KCNMA1: variants seen among roughly 807,000 people sequenced by gnomAD.
KCNMA1 encodes the protein potassium calcium-activated channel subfamily M alpha 1, also known as Calcium-activated potassium channel subunit alpha-1.
In KCNMA1, 29 loss-of-function variants were observed where a neutral mutation model predicts 140.0. The ratio of observed to expected loss-of-function variants is 0.21; its 90% CI spans 0.15 to 0.28. The LOEUF (loss-of-function observed/expected upper bound fraction) is 0.28, where lower values mean the gene tolerates loss of function less well. Ranked by LOEUF, KCNMA1 falls within the 10% of genes least tolerant of loss-of-function variation. KCNMA1 has a pLI of 1.00. For synonymous variants in KCNMA1, 612 were observed against 611.9 expected (o/e 1.00, Z 0.00); for missense variants, 880 against 1,602.2 (o/e 0.55, Z 7.70).
intron 14 of KCNMA1, among the ~76,000 whole-genome samples, chr10:77,065,603 A>G (rs2095905794): frequency 6.6e-6 from 1 of 152,202 alleles, no homozygotes; most frequent in Admixed American, 6.5e-5. Flanking sequence ...AATTCTCCCA[A>G]GAGAATCCAG....
rs555278584 is a variant in KCNMA1, at chr10:76,915,661, CCTGA to C, written c.2903-616_2903-613del. 3.9e-3 allele frequency among the ~76,000 whole-genome samples: 594 copies of C among 152,196 alleles called. 2 individuals are homozygous for C. The highest frequency in any genetic ancestry group is 0.013 in the African/African-American group (520 of 41,532). On this transcript the variant is annotated intron_variant, in intron 23 of 27. Coordinates refer to ENST00000286628, the MANE Select transcript of KCNMA1 (RefSeq NM_001161352.2). ...GTTACCACAACATAACCTAACCTGG[CCTGA>C]CTGTTACCGTAAACCAATCAATTGC... is the stretch of plus-strand genomic sequence containing the variant.
At chr10:77,539,999 G>A (rs1205270652) in intron 1 of KCNMA1, among the ~76,000 whole-genome samples, 1 of 152,126 alleles carries the variant, frequency 6.6e-6, no homozygotes, top group Non-Finnish European at 1.5e-5. Context: ...AATATGTTGT[G>A]CAAAAACAAC....
chr10:77,439,762 T>G (rs1278359201), intron 1 of KCNMA1, among the ~76,000 whole-genome samples: 1 of 152,176 alleles, frequency 6.6e-6, no homozygotes, highest in African/African-American at 2.4e-5. Context: ...CTCCTGTGTC[T>G]TTTAGCTGCA....
chr10:77,000,857 AATATATATATATATATATATATATAT>A (rs56359933), intron 19 of KCNMA1, among the ~76,000 whole-genome samples: 10 of 36,660 alleles, frequency 2.7e-4, no homozygotes, highest in Middle Eastern at 0.014. Context: ...GTAAAAAGAA[AATATATATATATATATATATATATAT>A]ATATATATAT....
At chr10:77,451,456 G>A (rs959643920) in intron 1 of KCNMA1, among the ~76,000 whole-genome samples, 1 of 152,144 alleles carries the variant, frequency 6.6e-6, no homozygotes, top group Non-Finnish European at 1.5e-5. Context: ...CAGTCCAGGC[G>A]AGTAGGTGAG....
chr10:76,891,600 C>A lies in KCNMA1; in HGVS notation c.3267G>T (p.Pro1089=). The A allele has an allele frequency of 1.2e-6, 2 of 1,613,954 alleles. No individual in the cohort carries two copies. Among genetic ancestry groups the A allele is most frequent in the Non-Finnish European group, 1.7e-6 (2 of 1,180,000 alleles). The stretch of plus-strand genomic sequence containing the variant: ...AGCGGTCCCTATTGGCCAGTGTCTG[C>A]GGGGTGCTGTAGCCACCTCTAAGGG... ...ENALRGGYST[P]QTLANRDRCR... The change falls in exon 26 of 28, where the codon CCG becomes CCT. Residue 1089 remains proline, a synonymous_variant. Transcript: ENST00000286628.
At chr10:77,369,172 T>C (rs1171724038) in intron 2 of KCNMA1, among the ~76,000 whole-genome samples, 1 of 152,174 alleles carries the variant, frequency 6.6e-6, no homozygotes, top group East Asian at 1.9e-4. Context: ...TTCCAGTCCA[T>C]GAACATGGTA....
intron 2 of KCNMA1, among the ~76,000 whole-genome samples, chr10:77,386,054 T>C (rs1290009633): frequency 1.3e-5 from 2 of 152,198 alleles, no homozygotes; most frequent in East Asian, 1.9e-4. Flanking sequence ...ACCAAAACTT[T>C]CACATCAGAA....
intron 13 of KCNMA1, among the ~76,000 whole-genome samples, chr10:77,076,642 C>T (rs561503003): frequency 6.6e-6 from 1 of 152,176 alleles, no homozygotes; most frequent in Non-Finnish European, 1.5e-5. Flanking sequence ...AGCTTAGATG[C>T]CCTGCTCTGA....
intron 1 of KCNMA1, among the ~76,000 whole-genome samples, chr10:77,486,120 G>C (rs1046933997): frequency 6.6e-6 from 1 of 152,134 alleles, no homozygotes; most frequent in Non-Finnish European, 1.5e-5. Context: ...GTCAATACCA[G>C]GTCAAAACAG....
chr10:76,954,693 C>T (rs991725503), intron 20 of KCNMA1, among the ~76,000 whole-genome samples: 2 of 152,168 alleles, frequency 1.3e-5, no homozygotes, highest in Non-Finnish European at 2.9e-5. Context: ...CTCCCAACTG[C>T]TGCATATCTT....
At chr10:77,552,146 C>G (rs2063011485) in intron 1 of KCNMA1, among the ~76,000 whole-genome samples, 1 of 152,168 alleles carries the variant, frequency 6.6e-6, no homozygotes. Context: ...ATGGAGAAAA[C>G]TCTTCAAGGG....
intron 1 of KCNMA1, chr10:77,635,227 G>A (rs543354614): frequency 2.6e-5 from 4 of 152,144 alleles, no homozygotes; most frequent in African/African-American, 4.8e-5. Flanking sequence ...TTGTGTGTGC[G>A]ATGGGATTAG....
intron 2 of KCNMA1, among the ~76,000 whole-genome samples, chr10:77,391,612 TTTTGTTTGTTTGTTTGTTTG>T: frequency 6.7e-6 from 1 of 149,870 alleles, no homozygotes; most frequent in African/African-American, 2.5e-5. Context: ...GAAGTAGGTT[TTTTGTTTGTTTGTTTGTTTG>T]TTTGTTTGTT....
intron 5 of KCNMA1, among the ~76,000 whole-genome samples, chr10:77,167,430 C>T (rs1265961486): frequency 2.6e-5 from 4 of 152,100 alleles, no homozygotes; most frequent in African/African-American, 4.8e-5. Context: ...TTTGTGTTTG[C>T]AATCTGGGGT....
intron 9 of KCNMA1, among the ~76,000 whole-genome samples, chr10:77,101,730 C>T (rs910769884): frequency 6.6e-6 from 1 of 152,144 alleles, no homozygotes; most frequent in Non-Finnish European, 1.5e-5. Context: ...ATAGAGAAAT[C>T]GTAAATGACA....
At chr10:76,910,316 T>A (rs1236627917) in intron 24 of KCNMA1, 1 of 536,996 alleles carries the variant, frequency 1.9e-6, no homozygotes, top group Non-Finnish European at 3.4e-6. Context: ...GAGCAATAAG[T>A]TCAAGCAGGC....
intron 14 of KCNMA1, among the ~76,000 whole-genome samples, chr10:77,060,897 G>A (rs921168038): frequency 1.3e-5 from 2 of 152,122 alleles, no homozygotes; most frequent in African/African-American, 4.8e-5. Flanking sequence ...CCAGAAGCTA[G>A]AAAATGCAAG....
At chr10:76,872,306 G>GTT (rs2031509795), downstream of KCNMA1, 1 of 152,228 alleles carries the variant, frequency 6.6e-6, no homozygotes, top group Non-Finnish European at 1.5e-5. Flanking sequence ...CACACGGTGA[G>GTT]TTGTTGACTT....
Sources: allele counts gnomAD v4.1 joint callset (sites outside exome capture counted in the v4.1 genomes callset), GRCh38; gene constraint gnomAD v4.1.1; transcripts MANE v1.5; gene names NCBI Gene and HGNC (gene_info 2026-07-23, HGNC 2026-07-21).